ARHGAP5: variants seen among roughly 807,000 people sequenced by gnomAD.
ARHGAP5 encodes Rho GTPase activating protein 5, also known as rho GTPase-activating protein 5.
Under a neutral mutation model 116.6 loss-of-function variants are expected in ARHGAP5, and 23 were observed. The observed-to-expected ratio is 0.20, with a 90% CI of 0.14 to 0.28. ARHGAP5 has a LOEUF of 0.28. Among genes scored for constraint, ARHGAP5 ranks in the 10% least tolerant of loss-of-function variants. The pLI is 1.00. For missense variants in ARHGAP5, 1,405 were observed against 1,774.8 expected, an observed-to-expected ratio of 0.79 and a Z score of 3.74; for synonymous variants, 574 against 602.0, an observed-to-expected ratio of 0.95 and a Z score of 0.68.
chr14:32,104,625 T>G (rs1054149269), intron 2 of ARHGAP5, among the ~76,000 whole-genome samples: 1 of 152,206 alleles, frequency 6.6e-6, no homozygotes, highest in African/African-American at 2.4e-5. Context: ...TAAACTATAA[T>G]GTAATGCTGC....
At chr14:32,110,357 C>G (rs1192419199) in intron 2 of ARHGAP5, among the ~76,000 whole-genome samples, 1 of 150,868 alleles carries the variant, frequency 6.6e-6, no homozygotes. Context: ...TGGGATCTTG[C>G]TGTGTTGCCC....
rs550478058 is a variant in ARHGAP5 at position 32,131,882 on chromosome 14, G to T, written c.3866-14381G>T. ...AGTTTGCTGAGAATGATGGTTTCCA[G>T]TTTCATTGATGTCCCTACAAAGGAC... On this transcript the variant is annotated intron_variant, in intron 3 of 6. Transcript: ENST00000345122. 2.8e-3 allele frequency among the ~76,000 whole-genome samples: 429 copies of T among 152,278 alleles called. 4 individuals are homozygous for T. The highest frequency in any genetic ancestry group is 9.8e-3 in the African/African-American group (407 of 41,556).
intron 3 of ARHGAP5, among the ~76,000 whole-genome samples, chr14:32,135,175 T>C (rs1233132809): frequency 6.6e-6 from 1 of 152,194 alleles, no homozygotes; most frequent in Non-Finnish European, 1.5e-5. Context: ...ATTGAGTGCC[T>C]AGAAAGAAAA....
intron 3 of ARHGAP5, among the ~76,000 whole-genome samples, chr14:32,139,374 A>G (rs1880978132): frequency 6.6e-6 from 1 of 152,094 alleles, no homozygotes; most frequent in African/African-American, 2.4e-5. Context: ...TTTGATTACT[A>G]GATCAAGCTC....
intron 1 of ARHGAP5, among the ~76,000 whole-genome samples, chr14:32,087,435 T>TC (rs1015623048): frequency 6.7e-6 from 1 of 150,116 alleles, no homozygotes; most frequent in East Asian, 2.0e-4. Context: ...TGACAACAGT[T>TC]TTTTTTTTTC....
chr14:32,132,740 T>A (rs1425790314), intron 3 of ARHGAP5, among the ~76,000 whole-genome samples: 1 of 152,220 alleles, frequency 6.6e-6, no homozygotes. Context: ...AAGTCTTTAA[T>A]CCATCTTGAA....
intron 3 of ARHGAP5, among the ~76,000 whole-genome samples, chr14:32,144,593 C>T (rs1881289918): frequency 6.6e-6 from 1 of 152,010 alleles, no homozygotes; most frequent in African/African-American, 2.4e-5. Context: ...AAGTGATTCT[C>T]CTGCCTTAGC....
chr14:32,101,348 A>G (rs897293659), intron 2 of ARHGAP5, among the ~76,000 whole-genome samples: 1 of 152,208 alleles, frequency 6.6e-6, no homozygotes, highest in African/African-American at 2.4e-5. Context: ...TATTAATCTG[A>G]TATTAGCAAA....
chr14:32,091,628 C>T lies in ARHGAP5; in HGVS notation c.959C>T (p.Ser320Leu). 1.2e-6 allele frequency: 2 copies of T among 1,611,840 alleles called. No individual in the cohort carries two copies. The highest frequency in any genetic ancestry group is 1.1e-5 in the South Asian group (1 of 90,708). Reference protein sequence around the residue: ...EGTRKARNTFSKHIEQLKQEH... With the variant: ...EGTRKARNTFLKHIEQLKQEH... ...ACAAGAAAGGCCAGAAATACATTCT[C>T]AAAACATATAGAACAACTTAAACAG... Residue 320 changes from serine to leucine, a missense_variant, in exon 2 of 7, where the codon TCA (serine) becomes TTA (leucine). By Grantham distance (145) the Ser-to-Leu change is moderately radical. Transcript: ENST00000345122.
intron 3 of ARHGAP5, among the ~76,000 whole-genome samples, chr14:32,139,312 A>G (rs1285763445): frequency 2.0e-5 from 3 of 152,126 alleles, no homozygotes; most frequent in South Asian, 4.1e-4. Context: ...AGGGTTTGGC[A>G]TAATTCATCA....
intron 1 of ARHGAP5, among the ~76,000 whole-genome samples, chr14:32,082,918 A>G (rs1037129595): frequency 1.2e-4 from 19 of 152,260 alleles, no homozygotes; most frequent in African/African-American, 4.6e-4. Context: ...CTCTGTGCCC[A>G]GTCTTGTATT....
chr14:32,122,060 G>C (rs867330827), intron 3 of ARHGAP5, among the ~76,000 whole-genome samples: 1 of 152,200 alleles, frequency 6.6e-6, no homozygotes, highest in African/African-American at 2.4e-5. Flanking sequence ...ATATACTTAA[G>C]AGTGGAATTG....
intron 2 of ARHGAP5, among the ~76,000 whole-genome samples, chr14:32,111,839 A>ATTTTTT (rs34512246): frequency 1.8e-4 from 17 of 93,168 alleles, no homozygotes; most frequent in South Asian, 3.6e-4. Context: ...TTCTTCTTTG[A>ATTTTTT]TTTTTTTTTT....
chr14:32,089,981 A>G (rs1454756440), intron 1 of ARHGAP5, among the ~76,000 whole-genome samples: 1 of 151,884 alleles, frequency 6.6e-6, no homozygotes, highest in Non-Finnish European at 1.5e-5. Context: ...AAAAGACTTG[A>G]AATTTATTGC....
intron 3 of ARHGAP5, among the ~76,000 whole-genome samples, chr14:32,139,334 T>C (rs576421366): frequency 1.3e-5 from 2 of 152,264 alleles, no homozygotes; most frequent in Admixed American, 1.3e-4. Flanking sequence ...TGAAAATATC[T>C]TGTATTGGGC....
At chr14:32,086,335 G>A (rs1032182801) in intron 1 of ARHGAP5, among the ~76,000 whole-genome samples, 1 of 152,052 alleles carries the variant, frequency 6.6e-6, no homozygotes, top group Non-Finnish European at 1.5e-5. Context: ...AGCAGTACTC[G>A]AGAGTTTTAA....
At chr14:32,080,875 T>C (rs2041765284) in intron 1 of ARHGAP5, among the ~76,000 whole-genome samples, 1 of 152,230 alleles carries the variant, frequency 6.6e-6, no homozygotes, top group South Asian at 2.1e-4. Context: ...ATCTGTGTTT[T>C]ACTTCATAGA....
Position 32,092,597 on chromosome 14 carries a change from A to G in ARHGAP5, c.1928A>G (p.Tyr643Cys). The G allele has an allele frequency of 1.2e-6, 2 of 1,613,664 alleles. No homozygotes were observed. ...CGGCCGGTTGATGCCAAATCGCCTT[A>G]CTTTTTGAGTCAGTTATGGACTGCC... ...DLRPVDAKSP[Y>C]FLSQLWTAAF... The change falls in exon 2 of 7, where the codon TAC becomes TGC. Residue 643 changes from tyrosine to cysteine, a missense_variant. By Grantham distance (194) the Tyr-to-Cys change is radical (BLOSUM62 -2). Transcript: ENST00000345122. This position sits in a 1 kb window ranked among gnomAD's most constrained non-coding sequence, Gnocchi z 4.1.
At chr14:32,113,954 C>T (rs572706947) in intron 2 of ARHGAP5, among the ~76,000 whole-genome samples, 1 of 152,336 alleles carries the variant, frequency 6.6e-6, no homozygotes, top group East Asian at 1.9e-4. Flanking sequence ...GTAGGCCAGG[C>T]GCAGTGACTC....
Sources: gnomAD v4.1 joint callset for allele counts (sites outside exome capture counted in the v4.1 genomes callset) on GRCh38, gnomAD v4.1.1 for gene constraint, Gnocchi (gnomAD v3.1) non-coding constraint, MANE v1.5 for transcripts, NCBI Gene and HGNC (gene_info 2026-07-23, HGNC 2026-07-21) for gene names.